GRM8: variants seen among roughly 807,000 people sequenced by gnomAD.
GRM8 encodes metabotropic glutamate receptor 8.
A neutral mutation model predicts 87.2 loss-of-function variants in GRM8; 47 were observed. The observed-to-expected ratio is 0.54, with a 90% CI of 0.43 to 0.69. GRM8 has a LOEUF of 0.69. Among genes scored for constraint, GRM8 ranks in the 30% least tolerant of loss-of-function variants. The pLI is 0.00. For missense variants in GRM8, 1,019 were observed against 1,139.2 expected (o/e 0.89, Z 1.52); for synonymous variants, 396 against 404.5 (o/e 0.98, Z 0.25).
At chr7:126,922,248 A>G (rs1804608950) in intron 3 of GRM8, among the ~76,000 whole-genome samples, 1 of 152,204 alleles carries the variant, frequency 6.6e-6, no homozygotes, top group Admixed American at 6.5e-5. Context: ...CAAATGCAGA[A>G]TCATGATAAT....
At chr7:127,157,688 G>A (rs1388156904) in intron 2 of GRM8, among the ~76,000 whole-genome samples, 3 of 152,146 alleles carry the variant, frequency 2.0e-5, no homozygotes, top group African/African-American at 7.2e-5. Flanking sequence ...TAAGTTGGTT[G>A]TAACTGCAGC....
At chr7:126,990,867 A>C (rs1812592404) in intron 3 of GRM8, among the ~76,000 whole-genome samples, 1 of 152,268 alleles carries the variant, frequency 6.6e-6, no homozygotes, top group African/African-American at 2.4e-5. Flanking sequence ...TGTTTTAAAA[A>C]TAAATGTTGC....
intron 7 of GRM8, among the ~76,000 whole-genome samples, chr7:126,626,331 A>G (rs1432094466): frequency 1.3e-5 from 2 of 152,104 alleles, no homozygotes; most frequent in Non-Finnish European, 2.9e-5. Flanking sequence ...ATTAGTTTAC[A>G]TTTTTTACTA....
chr7:127,242,279 C>G (rs1038209450), intron 2 of GRM8, among the ~76,000 whole-genome samples: 1 of 152,142 alleles, frequency 6.6e-6, no homozygotes, highest in Non-Finnish European at 1.5e-5. Flanking sequence ...GAGCATCCCA[C>G]CTTAAAGAAG....
intron 2 of GRM8, among the ~76,000 whole-genome samples, chr7:127,237,717 T>A (rs1798058376): frequency 6.6e-6 from 1 of 152,204 alleles, no homozygotes; most frequent in South Asian, 2.1e-4. Context: ...CTAACCCCTA[T>A]CCTTCAAGGG....
chr7:127,015,066 A>AG (rs1815378836), intron 3 of GRM8, among the ~76,000 whole-genome samples: 1 of 104,428 alleles, frequency 9.6e-6, no homozygotes, highest in Non-Finnish European at 2.4e-5. Context: ...AAGAAGAAGA[A>AG]GAAAGAAAGA....
intron 8 of GRM8, among the ~76,000 whole-genome samples, chr7:126,574,831 T>A (rs1039511554): frequency 1.3e-5 from 2 of 152,142 alleles, no homozygotes; most frequent in African/African-American, 4.8e-5. Flanking sequence ...ATCTACTATC[T>A]GATACCATTG....
rs2299547 is a variant in GRM8 at position 127,187,875 on chromosome 7, T to C, written c.510+54820A>G. Reference sequence around the variant, plus strand: ...AGACCTGTTTTCTCATCTGTAAAAATGATACTACAATGGGGCTGAAAGAAT... The same window carrying C: ...AGACCTGTTTTCTCATCTGTAAAAACGATACTACAATGGGGCTGAAAGAAT... On this transcript the variant is annotated intron_variant, in intron 2 of 10. Transcript: ENST00000339582. Among the ~76,000 whole-genome samples the C allele has an allele frequency of 2.7e-4, 41 of 152,344 alleles. No individual in the cohort carries two copies. In the East Asian group the frequency reaches 7.7e-3, roughly 29 times the overall value.
intron 3 of GRM8, among the ~76,000 whole-genome samples, chr7:126,986,499 T>C (rs1264429796): frequency 6.6e-6 from 1 of 152,230 alleles, no homozygotes. Context: ...TACTTTTCTT[T>C]TCTTCATAAT....
intron 3 of GRM8, among the ~76,000 whole-genome samples, chr7:126,918,071 T>A (rs1804114515): frequency 6.6e-6 from 1 of 152,118 alleles, no homozygotes; most frequent in South Asian, 2.1e-4. Flanking sequence ...TAAACAAATA[T>A]TACAATTTGA....
chr7:126,533,986 T>C, intron 8 of GRM8, 99 bp from the exon 9 acceptor site: 1 of 840,938 alleles, frequency 1.2e-6, no homozygotes, highest in South Asian at 1.7e-5. Flanking sequence ...ATGCTGACAG[T>C]ACAAATACAG....
chr7:126,882,747 GC>G (rs1334066367), intron 6 of GRM8, among the ~76,000 whole-genome samples: 1 of 151,392 alleles, frequency 6.6e-6, no homozygotes, highest in Non-Finnish European at 1.5e-5. Context: ...CAATAGGAGA[GC>G]CTCCTGATGT....
intron 8 of GRM8, among the ~76,000 whole-genome samples, chr7:126,539,270 T>C (rs1019941925): frequency 1.3e-5 from 2 of 151,794 alleles, no homozygotes; most frequent in South Asian, 2.1e-4. Flanking sequence ...CAAAACATCA[T>C]TGAAAAAAAG....
intron 2 of GRM8, among the ~76,000 whole-genome samples, chr7:127,181,075 G>A (rs543538646): frequency 1.3e-5 from 2 of 151,932 alleles, no homozygotes; most frequent in Non-Finnish European, 2.9e-5. Flanking sequence ...CTGATGATAT[G>A]ATCATTTACC....
intron 3 of GRM8, among the ~76,000 whole-genome samples, chr7:127,084,993 G>C (rs1405320332): frequency 6.6e-6 from 1 of 152,152 alleles, no homozygotes; most frequent in Non-Finnish European, 1.5e-5. Context: ...ACCCTGGTAT[G>C]TGATGTTCCC....
chr7:126,508,236 A>AAC (rs1810784746), intron 9 of GRM8, among the ~76,000 whole-genome samples: 1 of 112,856 alleles, frequency 8.9e-6, no homozygotes, highest in Non-Finnish European at 1.8e-5. Flanking sequence ...AATTTATCAA[A>AAC]ACACACACAC....
At chr7:127,151,084 G>A (rs920189068) in intron 2 of GRM8, among the ~76,000 whole-genome samples, 14 of 152,080 alleles carry the variant, frequency 9.2e-5, no homozygotes, top group African/African-American at 2.9e-4. Context: ...TGCTGGCATC[G>A]CTAAGTGTGT....
intron 8 of GRM8, among the ~76,000 whole-genome samples, chr7:126,552,769 A>T (rs553296780): frequency 6.6e-6 from 1 of 152,224 alleles, no homozygotes; most frequent in African/African-American, 2.4e-5. Context: ...TGTCATTATA[A>T]ATTTCCAGTT....
chr7:127,215,380 C>G (rs1160684865), intron 2 of GRM8: 1 of 152,166 alleles, frequency 6.6e-6, no homozygotes, highest in African/African-American at 2.4e-5. Flanking sequence ...TCTAGTCCAT[C>G]TTTTCACTGA....
Sources: allele counts gnomAD v4.1 joint callset (sites outside exome capture counted in the v4.1 genomes callset), GRCh38; gene constraint gnomAD v4.1.1; transcripts MANE v1.5; gene names NCBI Gene and HGNC (gene_info 2026-07-23, HGNC 2026-07-21).